The following EIF3A variants were observed in gnomAD, a reference collection of about 807,000 sequenced individuals.
EIF3A encodes the protein eukaryotic translation initiation factor 3 subunit A.
In EIF3A, 21 loss-of-function variants were observed where a neutral mutation model predicts 186.6. That is an observed-to-expected ratio of 0.11 (90% confidence interval 0.08 to 0.16). EIF3A has a LOEUF of 0.16. Ranked by LOEUF, EIF3A falls within the 10% of genes least tolerant of loss-of-function variation. The pLI is 1.00. For synonymous variants in EIF3A, 563 were observed against 584.3 expected (o/e 0.96, Z 0.52); for missense variants, 1,306 against 1,796.3 (o/e 0.73, Z 4.93).
chr10:119,050,779 T>C, intron 15 of EIF3A, 105 bp from the exon 16 acceptor site: 4 of 1,256,258 alleles, frequency 3.2e-6, no homozygotes, highest in Non-Finnish European at 4.5e-6. Context: ...TGTATCAGAA[T>C]CATCGAAAGC....
At position 119,057,053 on chromosome 10, in the gene EIF3A, A is replaced by G. The variant is rs753245155; in HGVS notation, c.1978-13T>C. 19 of 1,477,938 alleles carry G rather than the reference A, an allele frequency of 1.3e-5. No individual in the cohort carries two copies. Among genetic ancestry groups the G allele is most frequent in the Non-Finnish European group, 1.8e-5 (19 of 1,068,334 alleles). 91.6% of individuals were successfully genotyped at this position (1,477,938 alleles called of 1,614,324 possible). On this transcript the variant is annotated splice_polypyrimidine_tract_variant and intron_variant, in intron 12 of 21. Transcript: ENST00000369144. ...ATTCCTCAAGGTCCTGAAAGGTAAT[A>G]CAAATGCACAATTGTTAATAAAGAG... is the stretch of plus-strand genomic sequence containing the variant.
rs1844111164 is a variant in EIF3A at position 119,073,519 on chromosome 10, T to G, written c.299A>C (p.Lys100Thr). ...AGATTCTTCTTTAGCAGCTTCAGTT[T>G]TTTCCTCTGCCATTTTCAAATATGC... ...VRAYLKMAEE[K>T]TEAAKEESQQ... The change falls in exon 3 of 22, where the codon AAA becomes ACA. Residue 100 changes from lysine to threonine, a missense_variant. Physicochemically the swap from Lys to Thr is moderately conservative, Grantham distance 78. Coordinates refer to ENST00000369144, the MANE Select transcript of EIF3A (RefSeq NM_003750.4). 1 of 1,611,438 alleles carries G rather than the reference T, an allele frequency of 6.2e-7. No homozygotes were observed. Among genetic ancestry groups the G allele is most frequent in the Non-Finnish European group, 8.5e-7 (1 of 1,177,884 alleles).
chr10:119,077,800 G>A (rs1230287344), intron 1 of EIF3A, among the ~76,000 whole-genome samples: 3 of 151,970 alleles, frequency 2.0e-5, no homozygotes, highest in African/African-American at 4.8e-5. Context: ...TGATCCACCC[G>A]CTTCGGCCTC....
In EIF3A at chr10:119,033,681, A is replaced by T. The variant is rs1300110964; in HGVS notation, c.*2358T>A. The T allele has an allele frequency of 1.2e-5, 2 of 166,468 alleles. No homozygotes were observed. Among genetic ancestry groups the T allele is most frequent in the African/African-American group, 4.8e-5 (2 of 41,456 alleles). The allele number at this position is 166,468 out of a possible 1,614,324, so 10.3% of individuals were successfully genotyped here. On this transcript the variant is annotated 3_prime_UTR_variant, in exon 22 of 22. Coordinates refer to ENST00000369144, the MANE Select transcript of EIF3A (RefSeq NM_003750.4). ...TTGATGAGAACAACTTTTGTCATAG[A>T]TTTGATTTATTAAACCAAAATTATA... is the stretch of plus-strand genomic sequence containing the variant.
intron 17 of EIF3A, among the ~76,000 whole-genome samples, chr10:119,045,108 C>T (rs1488792649): frequency 6.6e-6 from 1 of 151,894 alleles, no homozygotes; most frequent in Non-Finnish European, 1.5e-5. Flanking sequence ...CCATGCCCGA[C>T]TAATTTTTAT....
chr10:119,062,283 G>A (rs1381744989), intron 7 of EIF3A, among the ~76,000 whole-genome samples: 1 of 152,104 alleles, frequency 6.6e-6, no homozygotes. Flanking sequence ...TCCGAATAGG[G>A]AAATGTGAAA....
intron 17 of EIF3A, among the ~76,000 whole-genome samples, chr10:119,044,826 C>T (rs1248118065): frequency 6.6e-6 from 1 of 152,078 alleles, no homozygotes; most frequent in Non-Finnish European, 1.5e-5. Context: ...CCAGCCTGCA[C>T]CAGAGCGCAA....
intron 19 of EIF3A, among the ~76,000 whole-genome samples, chr10:119,041,086 G>A (rs140829936): frequency 0.011 from 1,627 of 151,958 alleles, 25 homozygotes; most frequent in African/African-American, 0.037. Flanking sequence ...GCTGAGGCAG[G>A]AGAATTGCTT....
At chr10:119,080,538 G>A (rs1166495481) in intron 1 of EIF3A, 90 bp downstream of exon 1, 5 of 1,449,202 alleles carry the variant, frequency 3.5e-6, no homozygotes, top group South Asian at 1.4e-5. Flanking sequence ...CGCGCGGGCC[G>A]GGCGGCGGAG....
chr10:119,062,743 C>CT (rs372690463), intron 7 of EIF3A, among the ~76,000 whole-genome samples: 41,885 of 91,032 alleles, frequency 0.46, 12,445 homozygotes, highest in Middle Eastern at 0.71. Context: ...AAGAGATCAC[C>CT]TTTTTTTTTT....
chr10:119,059,391 T>C lies in EIF3A; in HGVS notation c.1450A>G (p.Ile484Val), dbSNP rs1386065055. ...CTCAGGGTCCGAGAAGTGTGATCAA[T>C]ACGAACCTTTGAAAATTAAATTATC... is the stretch of plus-strand genomic sequence containing the variant. ...AARHCDLQVR[I>V]DHTSRTLSFG... The change falls in exon 11 of 22, where the codon ATT becomes GTT. Residue 484 changes from isoleucine to valine, a missense_variant. Around this residue, in one of 8 missense-constraint regions of EIF3A, gnomAD observed 267 missense variants for 367.8 expected, o/e 0.73. Transcript: ENST00000369144. 1 of 1,560,954 alleles carries C rather than the reference T, an allele frequency of 6.4e-7. No individual in the cohort carries two copies. Among genetic ancestry groups the C allele is most frequent in the Non-Finnish European group, 8.7e-7 (1 of 1,155,418 alleles).
At chr10:119,078,507 C>T (rs10736271) in intron 1 of EIF3A, among the ~76,000 whole-genome samples, 126,396 of 152,074 alleles carry the variant, frequency 0.83, 56,072 homozygotes, top group Non-Finnish European at 0.97. Context: ...TAGGGGAATG[C>T]CCTTTGATCC....
At chr10:119,064,840 T>C (rs999302688) in intron 7 of EIF3A, among the ~76,000 whole-genome samples, 4 of 152,160 alleles carry the variant, frequency 2.6e-5, no homozygotes, top group Non-Finnish European at 4.4e-5. Flanking sequence ...CCTGCGTAGC[T>C]GGGATTACAG....
chr10:119,068,534 G>A (rs1844016084), intron 6 of EIF3A, among the ~76,000 whole-genome samples: 1 of 152,078 alleles, frequency 6.6e-6, no homozygotes, highest in Non-Finnish European at 1.5e-5. Flanking sequence ...AAATTAGCCA[G>A]GCATGGTGGT....
intron 7 of EIF3A, among the ~76,000 whole-genome samples, chr10:119,064,691 C>G (rs1843943602): frequency 6.6e-6 from 1 of 152,008 alleles, no homozygotes; most frequent in Non-Finnish European, 1.5e-5. Context: ...TATAAATTAC[C>G]CAGTGTCAGG....
intron 14 of EIF3A, among the ~76,000 whole-genome samples, chr10:119,054,732 A>C (rs1848401744): frequency 6.6e-6 from 1 of 151,488 alleles, no homozygotes; most frequent in African/African-American, 2.4e-5. Flanking sequence ...CATCTCAAAA[A>C]AAAAAAAAAA....
intron 6 of EIF3A, among the ~76,000 whole-genome samples, chr10:119,066,686 G>A (rs1843986616): frequency 2.6e-5 from 4 of 152,088 alleles, no homozygotes; most frequent in Admixed American, 2.6e-4. Flanking sequence ...TGCATTCAGA[G>A]CATGGCAGGA....
In EIF3A at chr10:119,037,066, C is replaced by T. The variant is rs1057268272; in HGVS notation, c.3919+53G>A. ...TATAATTAAATAACCCAAATCCCCC[C>T]CCCCCCAGAAACGACAGTTCTCCAA... is the stretch of plus-strand genomic sequence containing the variant. On this transcript the variant is annotated intron_variant, in intron 21 of 21. Transcript: ENST00000369144. 4 of 767,040 alleles carry T rather than the reference C, an allele frequency of 5.2e-6. 1 individual carries two copies. The highest frequency in any genetic ancestry group is 7.7e-6 in the Non-Finnish European group (4 of 520,210). The allele number at this position is 767,040 out of a possible 1,614,324, so 47.5% of individuals were successfully genotyped here. A position where few individuals can be genotyped will look rare whatever the true frequency, so the allele number is the denominator to read the frequency against.
At chr10:119,061,163 C>T (rs1445295809) in intron 8 of EIF3A, 61 bp downstream of exon 8, 7 of 923,486 alleles carry the variant, frequency 7.6e-6, no homozygotes, top group Admixed American at 2.3e-5. Flanking sequence ...ATGAATACAA[C>T]CCAAAACTGC....
Sources: gnomAD v4.1 joint callset for allele counts (sites outside exome capture counted in the v4.1 genomes callset) on GRCh38, gnomAD v4.1.1 for gene constraint, gnomAD v4.1.1 regional missense constraint, MANE v1.5 for transcripts, NCBI Gene and HGNC (gene_info 2026-07-23, HGNC 2026-07-21) for gene names.